The following HERC1 variants were observed in gnomAD, a reference collection of about 807,000 sequenced individuals.
The protein encoded by HERC1 is probable E3 ubiquitin-protein ligase HERC1.
HERC1 carries 160 observed loss-of-function variants against 554.3 expected under a neutral mutation model. The ratio of observed to expected loss-of-function variants is 0.29; its 90% confidence interval spans 0.25 to 0.33. The LOEUF (loss-of-function observed/expected upper bound fraction) is 0.33. Among genes scored for constraint, HERC1 ranks in the 10% least tolerant of loss-of-function variants. The pLI, the probability that HERC1 is intolerant of heterozygous loss-of-function variation, is 1.00. For missense variants in HERC1, 4,919 were observed against 5,918.5 expected, an observed-to-expected ratio of 0.83 and a Z score of 5.54; for synonymous variants, 2,175 against 2,131.7, an observed-to-expected ratio of 1.02 and a Z score of -0.56.
At chr15:63,695,432 C>T (rs927390815) in intron 27 of HERC1, among the ~76,000 whole-genome samples, 2 of 137,492 alleles carry the variant, frequency 1.5e-5, no homozygotes, top group Non-Finnish European at 3.0e-5. Flanking sequence ...GTTGCCCAGG[C>T]TGGAGTGTAG....
At chr15:63,683,494 G>A (rs2071589312) in intron 34 of HERC1, among the ~76,000 whole-genome samples, 1 of 152,156 alleles carries the variant, frequency 6.6e-6, no homozygotes, top group Non-Finnish European at 1.5e-5. Context: ...AAAATCATAT[G>A]TCTAACACTT....
chr15:63,744,246 C>A (rs1177715316), intron 12 of HERC1, among the ~76,000 whole-genome samples: 1 of 151,788 alleles, frequency 6.6e-6, no homozygotes, highest in Non-Finnish European at 1.5e-5. Flanking sequence ...ACAAGCACCC[C>A]TGTGGCCAAC....
chr15:63,720,091 G>GCTTTTT (rs1423105072), intron 19 of HERC1, among the ~76,000 whole-genome samples: 1 of 43,258 alleles, frequency 2.3e-5, no homozygotes, highest in Non-Finnish European at 6.0e-5. Context: ...CTAGTCAGGT[G>GCTTTTT]CTTTTTCTTC....
rs1252444357 is a variant in HERC1 at position 63,704,919 on chromosome 15, T to C, written c.4636+1861A>G. Among the ~76,000 whole-genome samples, 9 of 151,894 alleles carry C rather than the reference T, an allele frequency of 5.9e-5. No individual in the cohort carries two copies. The East Asian group carries it at 1.7e-3, about 29-fold the overall frequency. ...ACGCCCGGCTAATTTTTTGTATTTT[T>C]AGTAGAGACAGGGTTTCACCATGTT... On this transcript the variant is annotated intron_variant, in intron 25 of 77. Coordinates refer to ENST00000443617, the MANE Select transcript of HERC1 (RefSeq NM_003922.4).
rs1249057934 is a variant in HERC1 at position 63,749,679 on chromosome 15, A to T, written c.2015T>A (p.Ile672Asn). ...LAATRIVDVSIGDSHCLALSH... is the reference protein window; with the variant it reads ...LAATRIVDVSNGDSHCLALSH... ...AAGAGCCAAACAATGACTGTCTCCA[A>T]TAGAAACATCAACTATTCTTGTGGC... The change falls in exon 9 of 78, where the codon ATT (isoleucine) becomes AAT (asparagine). Residue 672 changes from isoleucine (I) to asparagine (N), a missense_variant. Ile to Asn is a moderately radical substitution (Grantham distance 149). Transcript: ENST00000443617. The surrounding 1 kb of genome is among the most constrained non-coding windows in gnomAD (Gnocchi z 4.1). 1.3e-6 allele frequency: 2 copies of T among 1,597,528 alleles called. No individual in the cohort carries two copies. The highest frequency in any genetic ancestry group is 1.7e-6 in the Non-Finnish European group (2 of 1,171,124).
intron 12 of HERC1, among the ~76,000 whole-genome samples, chr15:63,740,404 T>C (rs191381142): frequency 6.6e-6 from 1 of 152,374 alleles, no homozygotes; most frequent in East Asian, 1.9e-4. Flanking sequence ...TGTACAAGTT[T>C]TTGTGTGGAC....
Position 63,774,907 on chromosome 15 carries a change from T to C in HERC1, c.717A>G (p.Ala239=). The C allele has an allele frequency of 1.9e-6, 3 of 1,614,034 alleles. No homozygotes were observed. Among genetic ancestry groups the C allele is most frequent in the Non-Finnish European group, 2.5e-6 (3 of 1,179,890 alleles). The change falls in exon 2 of 78, where the codon GCA becomes GCG. Residue 239 remains alanine (A), a synonymous_variant. Coordinates refer to ENST00000443617, the MANE Select transcript of HERC1 (RefSeq NM_003922.4). ...AAGCTAATCTACGACCTAAAGTGTC[T>C]GCCCCAGAATTAGGAATAGTGACTC... ...LKGVTIPNSG[A]DTLGRRLASE... is the part of the protein sequence containing the mutation.
intron 21 of HERC1, 66 bp from the exon 22 acceptor site, chr15:63,716,539 A>AG: frequency 7.6e-7 from 1 of 1,320,250 alleles, no homozygotes; most frequent in Non-Finnish European, 1.0e-6. Context: ...AACTTTAAAA[A>AG]ACCTTTAATT....
chr15:63,630,431 A>C (rs1219747260), intron 69 of HERC1, 35 bp downstream of exon 69: 1 of 1,587,834 alleles, frequency 6.3e-7, no homozygotes, highest in Non-Finnish European at 8.6e-7. Context: ...AGATTTCTAG[A>C]ATATGAGAAA....
chr15:63,741,174 G>A (rs772489159), intron 12 of HERC1, among the ~76,000 whole-genome samples: 2 of 151,250 alleles, frequency 1.3e-5, no homozygotes, highest in African/African-American at 2.4e-5. Flanking sequence ...GATTACAGGC[G>A]TGCACCTCCA....
Position 63,648,106 on chromosome 15 carries a change from A to G in HERC1, c.10841T>C (p.Leu3614Pro). The change falls in exon 55 of 78, where the codon CTT becomes CCT. Residue 3614 changes from leucine (L) to proline (P), a missense_variant. Transcript: ENST00000443617. ...GKLLLGTKEP[L>P]EKGGIVLIDA... The stretch of plus-strand genomic sequence containing the variant: ...AATTAGAACAATGCCTCCTTTCTCA[A>G]GTGGTTCCTTTGTTCCCAGTAACAG... 6.4e-7 allele frequency: 1 copy of G among 1,569,554 alleles called. No homozygotes were observed. Among genetic ancestry groups the G allele is most frequent in the South Asian group, 1.2e-5 (1 of 85,474 alleles).
intron 1 of HERC1, among the ~76,000 whole-genome samples, chr15:63,817,572 G>A (rs896804354): frequency 1.4e-4 from 21 of 152,192 alleles, no homozygotes; most frequent in African/African-American, 2.6e-4. Flanking sequence ...AAAATTAGCC[G>A]GGCGGGGCAG....
chr15:63,693,647 C>T (rs2072249363), intron 30 of HERC1, among the ~76,000 whole-genome samples: 1 of 152,064 alleles, frequency 6.6e-6, no homozygotes, highest in South Asian at 2.1e-4. Context: ...CTGAGCTTCC[C>T]CCTAGGCAAA....
intron 4 of HERC1, among the ~76,000 whole-genome samples, 188 bp downstream of exon 4, chr15:63,757,987 C>T (rs777107551): frequency 4.6e-5 from 7 of 152,058 alleles, no homozygotes; most frequent in African/African-American, 1.2e-4. Flanking sequence ...GGATTACAGG[C>T]GTGAGCCACT....
intron 37 of HERC1, 91 bp from the exon 38 acceptor site, chr15:63,675,208 A>C (rs539187694): frequency 6.8e-6 from 7 of 1,032,070 alleles, no homozygotes; most frequent in African/African-American, 6.4e-5. Context: ...AATAAGGTGC[A>C]TCATGTACAC....
chr15:63,785,244 C>T (rs1254221886), intron 1 of HERC1, among the ~76,000 whole-genome samples: 1 of 151,484 alleles, frequency 6.6e-6, no homozygotes, highest in African/African-American at 2.4e-5. Context: ...AGCAACATAG[C>T]AAGACATTAC....
chr15:63,832,799 A>G (rs2078201236), intron 1 of HERC1, among the ~76,000 whole-genome samples: 1 of 152,186 alleles, frequency 6.6e-6, no homozygotes, highest in African/African-American at 2.4e-5. Context: ...TGGAACAAAT[A>G]TAGAATGAGG....
At chr15:63,721,067 T>C (rs1482946807) in intron 19 of HERC1, among the ~76,000 whole-genome samples, 4 of 152,062 alleles carry the variant, frequency 2.6e-5, no homozygotes, top group African/African-American at 9.7e-5. Context: ...TGCAAGGTAA[T>C]AAGTGATAAT....
chr15:63,675,263 A>G (rs2071138538), intron 37 of HERC1, 146 bp from the exon 38 acceptor site: 2 of 600,898 alleles, frequency 3.3e-6, no homozygotes, highest in Non-Finnish European at 5.3e-6. Context: ...CATTACAAAC[A>G]CAGAGAAAAA....
Sources: gnomAD v4.1 joint callset for allele counts (sites outside exome capture counted in the v4.1 genomes callset) on GRCh38, gnomAD v4.1.1 for gene constraint, Gnocchi (gnomAD v3.1) non-coding constraint, MANE v1.5 for transcripts, NCBI Gene and HGNC (gene_info 2026-07-23, HGNC 2026-07-21) for gene names.